Variants in MTMR7 observed in about 807,000 individuals in gnomAD.
MTMR7 encodes the protein myotubularin related protein 7, also known as phosphatidylinositol-3-phosphate phosphatase MTMR7.
A neutral mutation model predicts 81.2 loss-of-function variants in MTMR7; 76 were observed. That is an observed-to-expected ratio of 0.94 (90% CI 0.78 to 1.13). The LOEUF is 1.13. MTMR7 is among the 50% of genes most tolerant of loss of function. MTMR7 has a pLI of 0.00. For synonymous variants in MTMR7, 372 were observed against 289.8 expected (o/e 1.28, Z -2.88); for missense variants, 1,044 against 820.0 (o/e 1.27, Z -3.34).
rs749384587 is a variant in MTMR7, at chr8:17,304,460, A to T, written c.1412T>A (p.Leu471Gln). 6.2e-7 allele frequency: 1 copy of T among 1,614,092 alleles called. No homozygotes were observed. The highest frequency in any genetic ancestry group is 2.2e-5 in the East Asian group (1 of 44,886). Residue 471 changes from leucine to glutamine, a missense_variant, in exon 12 of 14, where the codon CTG (leucine) becomes CAG (glutamine). Physicochemically the swap from Leu to Gln is moderately radical, Grantham distance 113. Transcript: ENST00000180173. ...GTGATCAGCTCTAAACAGAGGATTC[A>T]GGTAGTCGGCCCGATTCTTCCACAG... ...AHLWKNRADY[L>Q]NPLFRADHSQ...
intron 3 of MTMR7, among the ~76,000 whole-genome samples, chr8:17,370,456 G>A (rs979776302): frequency 8.0e-5 from 12 of 149,492 alleles, no homozygotes; most frequent in Non-Finnish European, 1.2e-4. Flanking sequence ...GGAGGCAGAG[G>A]TTGCAGTGAG....
intron 13 of MTMR7, among the ~76,000 whole-genome samples, chr8:17,300,767 T>G (rs1026146571): frequency 6.6e-6 from 1 of 152,210 alleles, no homozygotes; most frequent in Non-Finnish European, 1.5e-5. Flanking sequence ...AGCAGTCATT[T>G]CCCATTCCTA....
At chr8:17,336,403 A>C (rs58583789) in intron 6 of MTMR7, among the ~76,000 whole-genome samples, 1 of 152,200 alleles carries the variant, frequency 6.6e-6, no homozygotes, top group African/African-American at 2.4e-5. Context: ...GCCACTGGAC[A>C]CTGCCCTCGC....
chr8:17,345,977 G>A (rs1041546597), intron 5 of MTMR7: 38 of 152,302 alleles, frequency 2.5e-4, no homozygotes, highest in African/African-American at 8.2e-4. Context: ...TAACCAAAGA[G>A]AAGAAAGACA....
intron 8 of MTMR7, chr8:17,311,972 A>G: frequency 9.9e-6 from 2 of 202,058 alleles, no homozygotes; most frequent in Non-Finnish European, 1.0e-5. Flanking sequence ...CCTTACTGAA[A>G]TTCTGGAGTT....
intron 7 of MTMR7, among the ~76,000 whole-genome samples, chr8:17,314,180 T>C (rs1397574969): frequency 6.6e-6 from 1 of 152,138 alleles, no homozygotes; most frequent in Non-Finnish European, 1.5e-5. Flanking sequence ...TGAGTACATA[T>C]CACAAATACG....
At chr8:17,376,330 A>G (rs904796634) in intron 1 of MTMR7, among the ~76,000 whole-genome samples, 4 of 152,312 alleles carry the variant, frequency 2.6e-5, no homozygotes, top group South Asian at 2.1e-4. Flanking sequence ...TCATTTACCA[A>G]TTCATCAGTT....
chr8:17,299,949 A>T lies in MTMR7; in HGVS notation c.1896T>A (p.Cys632Ter). 6.2e-7 allele frequency: 1 copy of T among 1,614,142 alleles called. No homozygotes were observed. The highest frequency in any genetic ancestry group is 8.5e-7 in the Non-Finnish European group (1 of 1,180,002). The change falls in exon 14 of 14, where the codon TGT becomes TGA. Residue 632 changes from cysteine to a stop codon, truncating the protein, a stop_gained. Coordinates refer to ENST00000180173, the MANE Select transcript of MTMR7 (RefSeq NM_004686.5). LOFTEE classifies it high-confidence loss of function. ...CATGCTCACCACCACTTGGAGACCG[A>T]CAGCTCAAATCCTCCACCCCGGACT... ...DQESGVEDLS[C>*]RSPSGGEHAP... is the part of the protein sequence containing the mutation.
intron 7 of MTMR7, among the ~76,000 whole-genome samples, chr8:17,314,628 A>T (rs547990085): frequency 6.6e-6 from 1 of 152,352 alleles, no homozygotes; most frequent in Non-Finnish European, 1.5e-5. Context: ...ACAAAAAAGC[A>T]CAAGTAGTTA....
intron 3 of MTMR7, among the ~76,000 whole-genome samples, chr8:17,362,402 T>A (rs1375670759): frequency 6.6e-6 from 1 of 152,240 alleles, no homozygotes; most frequent in Non-Finnish European, 1.5e-5. Context: ...TAATAAAGGA[T>A]AACTGATACT....
At chr8:17,344,122 C>G (rs1162511216) in intron 5 of MTMR7, among the ~76,000 whole-genome samples, 1 of 152,006 alleles carries the variant, frequency 6.6e-6, no homozygotes. Context: ...ACAATAAGAC[C>G]TATTATTGGC....
At chr8:17,347,368 T>G (rs547891876) in intron 5 of MTMR7, among the ~76,000 whole-genome samples, 1 of 152,220 alleles carries the variant, frequency 6.6e-6, no homozygotes, top group Non-Finnish European at 1.5e-5. Context: ...TCACAGAACT[T>G]TCACCACCAA....
rs530065158 is a variant in MTMR7, at chr8:17,322,708, C to A, written c.865+8442G>T. Among the ~76,000 whole-genome samples the A allele has an allele frequency of 2.0e-5, 3 of 152,078 alleles. No homozygotes were observed. In the East Asian group the frequency reaches 5.8e-4, roughly 30 times the overall value. On this transcript the variant is annotated intron_variant, in intron 7 of 13. Transcript: ENST00000180173. ...GGTGTGGAGGTGCACGCCTGTAGTC[C>A]CAGATACTCAGGAGGGTGAGGCAGG...
intron 7 of MTMR7, among the ~76,000 whole-genome samples, chr8:17,329,224 G>C (rs1422785903): frequency 1.3e-5 from 2 of 152,176 alleles, no homozygotes; most frequent in East Asian, 3.9e-4. Context: ...AGGAGGAAAA[G>C]CCTTAGAAGG....
intron 7 of MTMR7, among the ~76,000 whole-genome samples, chr8:17,324,603 C>T (rs1357787318): frequency 1.3e-5 from 2 of 152,226 alleles, no homozygotes; most frequent in African/African-American, 4.8e-5. Flanking sequence ...CAAAAGCACA[C>T]ATACTTGATC....
intron 1 of MTMR7, among the ~76,000 whole-genome samples, chr8:17,389,339 GT>G (rs1360926151): frequency 6.6e-6 from 1 of 152,168 alleles, no homozygotes; most frequent in African/African-American, 2.4e-5. Flanking sequence ...GGGAACCCAA[GT>G]TATTTTATTC....
chr8:17,318,252 G>A (rs1487464658), intron 7 of MTMR7, among the ~76,000 whole-genome samples: 1 of 151,900 alleles, frequency 6.6e-6, no homozygotes, highest in Admixed American at 6.6e-5. Context: ...ATCATGCTCG[G>A]GCTGGGAATC....
At chr8:17,302,377 A>T in intron 12 of MTMR7, 97 bp from the exon 13 acceptor site, 1 of 1,339,578 alleles carries the variant, frequency 7.5e-7, no homozygotes, top group Middle Eastern at 1.9e-4. Flanking sequence ...CACAGTCTTA[A>T]TAATAACCAA....
At chr8:17,316,969 G>T (rs555652804) in intron 7 of MTMR7, among the ~76,000 whole-genome samples, 1 of 152,188 alleles carries the variant, frequency 6.6e-6, no homozygotes, top group Non-Finnish European at 1.5e-5. Flanking sequence ...TCACCAGTAG[G>T]TTGGGAAAGT....
Sources: gnomAD v4.1 joint callset for allele counts (sites outside exome capture counted in the v4.1 genomes callset) on GRCh38, gnomAD v4.1.1 for gene constraint, MANE v1.5 for transcripts, NCBI Gene and HGNC (gene_info 2026-07-23, HGNC 2026-07-21) for gene names.